The following NMNAT2 variants were observed in gnomAD, a reference collection of about 807,000 sequenced individuals.
NMNAT2 encodes nicotinamide nucleotide adenylyltransferase 2.
In NMNAT2, 11 loss-of-function variants were observed where a neutral mutation model predicts 41.6. That is an observed-to-expected ratio of 0.26 (90% CI 0.17 to 0.44). NMNAT2 has a LOEUF of 0.44. Among genes scored for constraint, NMNAT2 ranks in the 20% least tolerant of loss-of-function variants. The pLI is 1.00. For missense variants in NMNAT2, 288 were observed against 407.7 expected (o/e 0.71, Z 2.53); for synonymous variants, 148 against 151.2 (o/e 0.98, Z 0.16).
rs139756017 is a variant in NMNAT2 at position 183,253,904 on chromosome 1, CGTGTGTGTGTGT to C, written c.822-1173_822-1162del. Reference sequence around the variant, plus strand: ...TTTAAGTCGAATAATGTTCCACTTCCGTGTGTGTGTGTGTGTGTGTGTGTGTGTGTGTGTGTG... The same window carrying C: ...TTTAAGTCGAATAATGTTCCACTTCCGTGTGTGTGTGTGTGTGTGTGTGTG... On this transcript the variant is annotated intron_variant, in intron 10 of 10. Transcript: ENST00000287713. 4.5e-3 allele frequency among the ~76,000 whole-genome samples: 643 copies of C among 144,370 alleles called. 3 individuals are homozygous for C. The highest frequency in any genetic ancestry group is 0.014 in the East Asian group (67 of 4,928). 94.7% of individuals were successfully genotyped at this position (144,370 alleles called of 152,430 possible). A position where few individuals can be genotyped will look rare whatever the true frequency, so the allele number is the denominator to read the frequency against.
intron 4 of NMNAT2, among the ~76,000 whole-genome samples, chr1:183,289,179 C>T (rs984415093): frequency 1.3e-5 from 2 of 152,222 alleles, no homozygotes. Context: ...GACATGGGCT[C>T]TCCCTGTAGG....
chr1:183,352,562 CAAAAAAAAAAA>C (rs55706245), intron 1 of NMNAT2, among the ~76,000 whole-genome samples: 1 of 79,160 alleles, frequency 1.3e-5, no homozygotes. Context: ...CAGTCTGTCT[CAAAAAAAAAAA>C]AAAAAAAAAA....
At chr1:183,366,176 C>T (rs967058847) in intron 1 of NMNAT2, among the ~76,000 whole-genome samples, 24 of 152,146 alleles carry the variant, frequency 1.6e-4, no homozygotes, top group African/African-American at 4.1e-4. Context: ...TGACCCATCC[C>T]GTCTTTCTGA....
chr1:183,280,120 T>G (rs1661220462), intron 7 of NMNAT2, among the ~76,000 whole-genome samples: 1 of 152,232 alleles, frequency 6.6e-6, no homozygotes, highest in Non-Finnish European at 1.5e-5. Context: ...ATAGGATTTC[T>G]GGCCCAACTC....
At chr1:183,265,968 T>C (rs1041067533) in intron 8 of NMNAT2, among the ~76,000 whole-genome samples, 2 of 151,996 alleles carry the variant, frequency 1.3e-5, no homozygotes, top group Non-Finnish European at 2.9e-5. Context: ...TAGAAAGAGA[T>C]TTGAAGATGC....
rs150992418 is a variant in NMNAT2, at chr1:183,290,677, A to T, written c.243-471T>A. 1,235 of 152,594 alleles carry T rather than the reference A, an allele frequency of 8.1e-3. 10 individuals carry two copies. Among genetic ancestry groups the T allele is most frequent in the Non-Finnish European group, 0.013 (881 of 68,222 alleles). The allele number at this position is 152,594 out of a possible 1,614,324, so 9.5% of individuals were successfully genotyped here. On this transcript the variant is annotated intron_variant, in intron 3 of 10. Coordinates refer to ENST00000287713, the MANE Select transcript of NMNAT2 (RefSeq NM_015039.4). Reference sequence around the variant, plus strand: ...TGGACCCTTGAGGATTGTGACAAGGATTAGCTGAGCCAGGCCTTTGTCAAG... The same window carrying T: ...TGGACCCTTGAGGATTGTGACAAGGTTTAGCTGAGCCAGGCCTTTGTCAAG...
chr1:183,341,724 C>CACA (rs1557883660), intron 1 of NMNAT2, among the ~76,000 whole-genome samples: 9 of 15,822 alleles, frequency 5.7e-4, no homozygotes, highest in African/African-American at 1.8e-3. Context: ...CAAACAAACA[C>CACA]CAAAAAAAAA....
At chr1:183,397,172 G>C (rs572347233) in intron 1 of NMNAT2, among the ~76,000 whole-genome samples, 5 of 152,224 alleles carry the variant, frequency 3.3e-5, no homozygotes, top group Middle Eastern at 3.4e-3. Flanking sequence ...TACTTTCACT[G>C]TTTTCCAACC....
At chr1:183,307,402 G>T (rs61811582) in intron 1 of NMNAT2, among the ~76,000 whole-genome samples, 1 of 151,302 alleles carries the variant, frequency 6.6e-6, no homozygotes, top group African/African-American at 2.4e-5. Context: ...TGCCTCCTGG[G>T]TTCAAGTGAT....
At chr1:183,283,127 G>T (rs1231775167) in intron 7 of NMNAT2, 1 of 152,214 alleles carries the variant, frequency 6.6e-6, no homozygotes, top group Non-Finnish European at 1.5e-5. Context: ...TGCCTCTCAG[G>T]ATTGCAGTGG....
In NMNAT2 at chr1:183,416,961, T is replaced by A. The variant is rs1649271554; in HGVS notation, c.85+1222A>T. On this transcript the variant is annotated intron_variant, in intron 1 of 10. Transcript: ENST00000287713. ...CCGCCGCCTCTGGAGAGCGCCTTGC[T>A]GGCGGGCCAGGTCAGGGCCTCCCAC... 2.6e-5 allele frequency among the ~76,000 whole-genome samples: 4 copies of A among 152,140 alleles called. No homozygotes were observed. The South Asian group carries it at 8.3e-4, about 31-fold the overall frequency.
intron 1 of NMNAT2, among the ~76,000 whole-genome samples, chr1:183,320,981 C>T (rs936766885): frequency 6.6e-6 from 1 of 152,214 alleles, no homozygotes; most frequent in African/African-American, 2.4e-5. Flanking sequence ...CTAGTCCTTT[C>T]TGTGTCTTTT....
chr1:183,312,268 T>C (rs1302826593), intron 1 of NMNAT2, among the ~76,000 whole-genome samples: 2 of 151,140 alleles, frequency 1.3e-5, no homozygotes, highest in Non-Finnish European at 3.0e-5. Flanking sequence ...TTTAAGGCTT[T>C]TTTTTTTTTT....
At chr1:183,343,360 G>T (rs1377565410) in intron 1 of NMNAT2, among the ~76,000 whole-genome samples, 1 of 152,120 alleles carries the variant, frequency 6.6e-6, no homozygotes, top group Non-Finnish European at 1.5e-5. Context: ...TTCTCCTCAT[G>T]CAGGCCTTAG....
intron 1 of NMNAT2, among the ~76,000 whole-genome samples, chr1:183,416,939 C>G (rs1171628124): frequency 6.6e-6 from 1 of 152,202 alleles, no homozygotes; most frequent in Non-Finnish European, 1.5e-5. Flanking sequence ...TTCAGCACCG[C>G]CGCCTCTGGA....
chr1:183,338,575 A>C (rs1311159646), intron 1 of NMNAT2, among the ~76,000 whole-genome samples: 3 of 152,226 alleles, frequency 2.0e-5, no homozygotes, highest in African/African-American at 7.2e-5. Flanking sequence ...ATAAGGTTTG[A>C]GAAACTGTTT....
intron 1 of NMNAT2, among the ~76,000 whole-genome samples, chr1:183,367,376 TGAACCCAG>T (rs1349162787): frequency 1.3e-5 from 2 of 152,196 alleles, no homozygotes; most frequent in East Asian, 3.8e-4. Context: ...GAGAATCGCT[TGAACCCAG>T]GAGGTGAAGT....
chr1:183,396,811 T>C (rs1234222044), intron 1 of NMNAT2, among the ~76,000 whole-genome samples: 2 of 152,222 alleles, frequency 1.3e-5, no homozygotes, highest in Admixed American at 6.5e-5. Context: ...CTCTAAAACT[T>C]GTCTCAGTCT....
chr1:183,280,946 C>T (rs1048515211), intron 7 of NMNAT2, among the ~76,000 whole-genome samples: 13 of 151,658 alleles, frequency 8.6e-5, no homozygotes, highest in Non-Finnish European at 1.9e-4. Context: ...CCACCACACC[C>T]GGCTAATTTT....
Sources: gnomAD v4.1 joint callset for allele counts (sites outside exome capture counted in the v4.1 genomes callset) on GRCh38, gnomAD v4.1.1 for gene constraint, MANE v1.5 for transcripts, NCBI Gene and HGNC (gene_info 2026-07-23, HGNC 2026-07-21) for gene names.